KCNIP4: variants seen among roughly 807,000 people sequenced by gnomAD.
KCNIP4 encodes potassium voltage-gated channel interacting protein 4.
KCNIP4 carries 12 observed loss-of-function variants against 34.0 expected under a neutral mutation model. The ratio of observed to expected loss-of-function variants is 0.35; its 90% CI spans 0.23 to 0.57. The LOEUF (loss-of-function observed/expected upper bound fraction) is 0.57. Among genes scored for constraint, KCNIP4 ranks in the 20% least tolerant of loss-of-function variants. The pLI is 0.83. For synonymous variants in KCNIP4, 124 were observed against 102.2 expected (o/e 1.21, Z -1.29); for missense variants, 238 against 311.7 (o/e 0.76, Z 1.78).
At chr4:20,996,303 C>T (rs1411855563) in intron 1 of KCNIP4, among the ~76,000 whole-genome samples, 1 of 152,328 alleles carries the variant, frequency 6.6e-6, no homozygotes, top group African/African-American at 2.4e-5. Flanking sequence ...GATTAAAGAG[C>T]ATATCTTTCA....
At chr4:21,907,415 T>G (rs1028077826) in intron 1 of KCNIP4, among the ~76,000 whole-genome samples, 5 of 152,284 alleles carry the variant, frequency 3.3e-5, no homozygotes, top group African/African-American at 1.2e-4. Flanking sequence ...CTTTCTAGCC[T>G]CCAGAACTAC....
At chr4:21,457,267 T>G (rs1029807568) in intron 1 of KCNIP4, among the ~76,000 whole-genome samples, 8 of 152,094 alleles carry the variant, frequency 5.3e-5, no homozygotes, top group African/African-American at 1.9e-4. Context: ...AGCAGAGCTC[T>G]GGGCTGTATT....
At chr4:20,877,469 G>T (rs1459426086) in intron 2 of KCNIP4, among the ~76,000 whole-genome samples, 1 of 152,044 alleles carries the variant, frequency 6.6e-6, no homozygotes, top group Non-Finnish European at 1.5e-5. Context: ...GAAAGTACTG[G>T]ATTTGGAGTT....
At chr4:21,077,450 T>C (rs1251416828) in intron 1 of KCNIP4, among the ~76,000 whole-genome samples, 2 of 152,170 alleles carry the variant, frequency 1.3e-5, no homozygotes, top group African/African-American at 2.4e-5. Flanking sequence ...GTCTTTTTAC[T>C]AACTCATAAG....
chr4:21,393,496 C>A (rs1008959901), intron 1 of KCNIP4, among the ~76,000 whole-genome samples: 1 of 152,024 alleles, frequency 6.6e-6, no homozygotes, highest in Non-Finnish European at 1.5e-5. Flanking sequence ...AGAGACATGG[C>A]AAGAAAGAAA....
intron 1 of KCNIP4, among the ~76,000 whole-genome samples, chr4:20,900,076 A>G (rs1560553993): frequency 6.6e-6 from 1 of 152,162 alleles, no homozygotes; most frequent in Non-Finnish European, 1.5e-5. Context: ...TAATCTTAAA[A>G]ATGACCTCAC....
At chr4:21,569,127 T>C (rs914075816) in intron 1 of KCNIP4, among the ~76,000 whole-genome samples, 1 of 149,854 alleles carries the variant, frequency 6.7e-6, no homozygotes, top group East Asian at 2.0e-4. Context: ...CCCACTCAAT[T>C]AGCAATACTT....
intron 1 of KCNIP4, among the ~76,000 whole-genome samples, chr4:20,962,019 C>T (rs1346238981): frequency 1.3e-5 from 2 of 152,178 alleles, no homozygotes; most frequent in African/African-American, 4.8e-5. Flanking sequence ...ACCACCCTGG[C>T]ATCACTTGAC....
intron 1 of KCNIP4, among the ~76,000 whole-genome samples, chr4:21,630,449 T>A (rs1745675381): frequency 8.3e-6 from 1 of 120,486 alleles, no homozygotes; most frequent in East Asian, 3.7e-4. Context: ...CAGAGGGAGA[T>A]TCCATCAAAA....
At chr4:20,929,188 C>A (rs1190322125) in intron 1 of KCNIP4, among the ~76,000 whole-genome samples, 1 of 151,770 alleles carries the variant, frequency 6.6e-6, no homozygotes, top group African/African-American at 2.4e-5. Flanking sequence ...ACATCATGAC[C>A]AATAGGATTT....
Position 21,054,898 on chromosome 4 carries a change from T to C in KCNIP4, c.62-172189A>G, listed in dbSNP as rs550823964. 2.0e-5 allele frequency among the ~76,000 whole-genome samples: 3 copies of C among 152,242 alleles called. No homozygotes were observed. The East Asian group carries it at 5.8e-4, about 29-fold the overall frequency. Reference sequence around the variant, plus strand: ...TACAACAGCAAAGGCATGATCTATGTTGGAAATCATTCATATGTTGGACTT... The same window carrying C: ...TACAACAGCAAAGGCATGATCTATGCTGGAAATCATTCATATGTTGGACTT... On this transcript the variant is annotated intron_variant, in intron 1 of 8. Coordinates refer to ENST00000382152, the MANE Select transcript of KCNIP4 (RefSeq NM_025221.6).
intron 1 of KCNIP4, among the ~76,000 whole-genome samples, chr4:21,340,354 A>G (rs1716632407): frequency 6.6e-6 from 1 of 152,180 alleles, no homozygotes; most frequent in African/African-American, 2.4e-5. Context: ...TATTAACCAG[A>G]TTATTCCTTC....
intron 1 of KCNIP4, among the ~76,000 whole-genome samples, chr4:21,208,925 A>G (rs1577891399): frequency 6.6e-6 from 1 of 152,122 alleles, no homozygotes; most frequent in East Asian, 1.9e-4. Context: ...CCAGACACTT[A>G]TAAAACCATC....
chr4:21,868,243 G>A (rs1405897328), intron 1 of KCNIP4, among the ~76,000 whole-genome samples: 1 of 152,122 alleles, frequency 6.6e-6, no homozygotes, highest in Non-Finnish European at 1.5e-5. Flanking sequence ...TTTAGGGCTT[G>A]AGAACAATAA....
At chr4:21,257,584 A>C (rs113850242) in intron 1 of KCNIP4, among the ~76,000 whole-genome samples, 1,627 of 152,066 alleles carry the variant, frequency 0.011, 25 homozygotes, top group African/African-American at 0.036. Context: ...CCTGTCCTCT[A>C]CTAAAAAATA....
intron 1 of KCNIP4, among the ~76,000 whole-genome samples, chr4:21,126,704 G>C (rs1750650909): frequency 6.6e-6 from 1 of 151,740 alleles, no homozygotes; most frequent in African/African-American, 2.4e-5. Flanking sequence ...TTCTGGAAGG[G>C]ATCAAGTTCA....
At chr4:20,866,312 A>G (rs1722871403) in intron 2 of KCNIP4, among the ~76,000 whole-genome samples, 1 of 152,106 alleles carries the variant, frequency 6.6e-6, no homozygotes. Context: ...ATACGCCACA[A>G]TTAAGTAGGC....
intron 1 of KCNIP4, among the ~76,000 whole-genome samples, chr4:20,973,614 T>C (rs910504483): frequency 2.0e-5 from 3 of 152,232 alleles, no homozygotes; most frequent in African/African-American, 7.2e-5. Flanking sequence ...GTTTGGCCAG[T>C]CTTGACTTTC....
rs762387224 is a variant in KCNIP4 at position 21,742,192 on chromosome 4, C to T, written c.61+206379G>A. On this transcript the variant is annotated intron_variant, in intron 1 of 8. Coordinates refer to ENST00000382152, the MANE Select transcript of KCNIP4 (RefSeq NM_025221.6). ...AGTCAGATTTCTGTACAGAGCTATGCGAAAATGACACTTCCAATGTTTTTG... is the reference window on the plus strand; with the variant it reads ...AGTCAGATTTCTGTACAGAGCTATGTGAAAATGACACTTCCAATGTTTTTG... 8.1e-4 allele frequency among the ~76,000 whole-genome samples: 124 copies of T among 152,204 alleles called. 1 individual carries two copies. The highest frequency in any genetic ancestry group is 1.3e-3 in the Non-Finnish European group (90 of 68,000).
Sources: allele counts gnomAD v4.1 joint callset (sites outside exome capture counted in the v4.1 genomes callset), GRCh38; gene constraint gnomAD v4.1.1; transcripts MANE v1.5; gene names NCBI Gene and HGNC (gene_info 2026-07-23, HGNC 2026-07-21).